ABR: variants seen among roughly 807,000 people sequenced by gnomAD.
ABR encodes the protein ABR activator of RhoGEF and GTPase.
In ABR, 35 loss-of-function variants were observed where a neutral mutation model predicts 107.2. The ratio of observed to expected loss-of-function variants is 0.33; its 90% CI spans 0.25 to 0.43. The LOEUF (loss-of-function observed/expected upper bound fraction) is 0.43, where lower values mean the gene tolerates loss of function less well. Ranked by LOEUF, ABR falls within the 20% of genes least tolerant of loss-of-function variation. The pLI, the probability that ABR is intolerant of heterozygous loss-of-function variation, is 1.00. For missense variants in ABR, 815 were observed against 1,115.2 expected (o/e 0.73, Z 3.83); for synonymous variants, 498 against 462.0 (o/e 1.08, Z -1.00).
chr17:1,195,191 C>T (rs1316563299), intron 1 of ABR, among the ~76,000 whole-genome samples: 1 of 146,962 alleles, frequency 6.8e-6, no homozygotes, highest in Non-Finnish European at 1.5e-5. Context: ...CCTGTAGTCC[C>T]AGCTACTCGG....
Position 1,005,977 on chromosome 17 carries a change from G to T in ABR, c.*103C>A. 1 of 1,084,482 alleles carries T rather than the reference G, an allele frequency of 9.2e-7. No homozygotes were observed. Among genetic ancestry groups the T allele is most frequent in the Non-Finnish European group, 1.4e-6 (1 of 727,536 alleles). The allele number at this position is 1,084,482 out of a possible 1,614,324, so 67.2% of individuals were successfully genotyped here. On this transcript the variant is annotated 3_prime_UTR_variant, in exon 23 of 23. Transcript: ENST00000302538. ...GAAGCTGGCTTCCCTCGAGTCTGGA[G>T]TGCTGGGTTTGGGAGTTTTCTATTG...
intron 16 of ABR, among the ~76,000 whole-genome samples, chr17:1,035,992 G>A (rs1177375241): frequency 6.6e-6 from 1 of 152,016 alleles, no homozygotes; most frequent in Non-Finnish European, 1.5e-5. Flanking sequence ...CTGCAGTGGG[G>A]CTGCCTCGGT....
chr17:1,197,580 T>C (rs909483456), intron 1 of ABR, among the ~76,000 whole-genome samples: 2 of 151,638 alleles, frequency 1.3e-5, no homozygotes, highest in Non-Finnish European at 2.9e-5. Flanking sequence ...ATTTTCCCAG[T>C]TGCTGTTTCT....
Position 1,125,495 on chromosome 17 carries a change from G to A in ABR, c.62-128C>T, listed in dbSNP as rs779842256. 1.7e-4 allele frequency: 175 copies of A among 1,003,854 alleles called. 1 individual carries two copies. The highest frequency in any genetic ancestry group is 2.3e-4 in the Non-Finnish European group (162 of 711,212). The allele number at this position is 1,003,854 out of a possible 1,614,324, so 62.2% of individuals were successfully genotyped here. On this transcript the variant is annotated intron_variant, in intron 1 of 22. Coordinates refer to ENST00000302538, the MANE Select transcript of ABR (RefSeq NM_021962.5). The stretch of plus-strand genomic sequence containing the variant: ...CGGCCGCACCATCCACGCCTGGCCC[G>A]GGCGGGGGCTGTGCGGGGGCCTGGG...
chr17:1,122,022 C>G (rs2039378603), intron 2 of ABR, among the ~76,000 whole-genome samples: 1 of 152,190 alleles, frequency 6.6e-6, no homozygotes, highest in African/African-American at 2.4e-5. Flanking sequence ...CCCGCCTCAG[C>G]CTCCTGAGTA....
intron 1 of ABR, chr17:1,126,416 G>C (rs554672718): frequency 6.6e-6 from 1 of 152,460 alleles, no homozygotes; most frequent in African/African-American, 2.4e-5. Flanking sequence ...GGCCGCCAGC[G>C]GGGGGTGGAC....
At chr17:1,076,481 C>A (rs2035718864) in intron 6 of ABR, among the ~76,000 whole-genome samples, 1 of 152,064 alleles carries the variant, frequency 6.6e-6, no homozygotes, top group Admixed American at 6.6e-5. Context: ...CAGACACCTG[C>A]CAGGGTGGGC....
At chr17:1,063,385 A>G (rs1179369879) in intron 10 of ABR, among the ~76,000 whole-genome samples, 6 of 143,022 alleles carry the variant, frequency 4.2e-5, no homozygotes, top group Non-Finnish European at 3.1e-5. Flanking sequence ...TCCTCTAGAC[A>G]CTGCTGTTAC....
intron 1 of ABR, among the ~76,000 whole-genome samples, chr17:1,143,018 C>T (rs2040360288): frequency 1.8e-5 from 2 of 108,618 alleles, no homozygotes; most frequent in African/African-American, 7.2e-5. Context: ...GGGGACAGCT[C>T]GCTCCTGGGG....
intron 1 of ABR, among the ~76,000 whole-genome samples, chr17:1,219,587 A>C (rs1168613918): frequency 1.9e-5 from 1 of 53,680 alleles, no homozygotes; most frequent in Non-Finnish European, 3.7e-5. Flanking sequence ...TTAAAATCTC[A>C]GACTAATACA....
intron 16 of ABR, among the ~76,000 whole-genome samples, chr17:1,033,765 G>T (rs567652858): frequency 6.6e-6 from 1 of 152,122 alleles, no homozygotes; most frequent in Non-Finnish European, 1.5e-5. Context: ...ACCGCCTGAG[G>T]GGGAGGTGGA....
intron 2 of ABR, among the ~76,000 whole-genome samples, chr17:1,107,593 T>C (rs1186622471): frequency 1.3e-5 from 2 of 152,128 alleles, no homozygotes; most frequent in African/African-American, 4.8e-5. Context: ...AGGAGGCCCA[T>C]GAGGGCCACA....
At chr17:1,069,768 C>G (rs189023752) in intron 9 of ABR, among the ~76,000 whole-genome samples, 25 of 148,932 alleles carry the variant, frequency 1.7e-4, no homozygotes, top group African/African-American at 5.7e-4. Context: ...CACACTCACC[C>G]CGCAGAGGTC....
chr17:1,133,744 T>C (rs1187189723), intron 1 of ABR, among the ~76,000 whole-genome samples: 1 of 152,172 alleles, frequency 6.6e-6, no homozygotes, highest in African/African-American at 2.4e-5. Context: ...CCTTGCTTAC[T>C]CTACCCTCGT....
rs941988434 is a variant in ABR at position 1,224,144 on chromosome 17, A to G, written c.838+4649T>C. ...GGCCGGTGGTCTCACACCTGGGGAG[A>G]GGCAGGCCTGACTTCACAGCACGCA... On this transcript the variant is annotated intron_variant, in intron 1 of 22. Coordinates refer to the ABR transcript ENST00000574139. Among the ~76,000 whole-genome samples, 8 of 152,026 alleles carry G rather than the reference A, an allele frequency of 5.3e-5. No homozygotes were observed. In the East Asian group the frequency reaches 1.4e-3, roughly 26 times the overall value.
chr17:1,038,113 C>T (rs1597483968), intron 16 of ABR, among the ~76,000 whole-genome samples: 1 of 151,974 alleles, frequency 6.6e-6, no homozygotes, highest in Non-Finnish European at 1.5e-5. Flanking sequence ...ACCTGCTTTT[C>T]CACCACCCCT....
rs117457413 is a variant in ABR, at chr17:1,078,329, C to T, written c.700+1001G>A. On this transcript the variant is annotated intron_variant, in intron 6 of 22. Transcript: ENST00000302538. This position sits in a 1 kb window ranked among gnomAD's most constrained non-coding sequence, Gnocchi z 7.5. ...ACACAATACCGTGCCGCCCAGCCTC[C>T]GCGCCTCTCTCCAGAAACAAAGAAA... is the stretch of plus-strand genomic sequence containing the variant. Among the ~76,000 whole-genome samples, 1,706 of 152,266 alleles carry T rather than the reference C, an allele frequency of 0.011. 16 individuals are homozygous for T. Among genetic ancestry groups the T allele is most frequent in the Non-Finnish European group, 0.019 (1,297 of 68,006 alleles).
At chr17:1,073,909 C>T (rs1410488752) in intron 6 of ABR, among the ~76,000 whole-genome samples, 1 of 152,080 alleles carries the variant, frequency 6.6e-6, no homozygotes, top group Non-Finnish European at 1.5e-5. Flanking sequence ...CGCAGCCCTG[C>T]CTCCTCTCCC....
intron 1 of ABR, chr17:1,178,064 G>A (rs1439132883): frequency 6.6e-6 from 1 of 152,446 alleles, no homozygotes; most frequent in Non-Finnish European, 1.5e-5. Context: ...CAGCTCCTGG[G>A]GGGAGGAGAG....
Sources: allele counts gnomAD v4.1 joint callset (sites outside exome capture counted in the v4.1 genomes callset), GRCh38; gene constraint gnomAD v4.1.1; non-coding constraint Gnocchi (gnomAD v3.1); transcripts MANE v1.5; gene names NCBI Gene and HGNC (gene_info 2026-07-23, HGNC 2026-07-21).